Variants in MRPL3 observed in about 807,000 individuals in gnomAD.
The protein encoded by MRPL3 is large ribosomal subunit protein uL3m.
A neutral mutation model predicts 44.3 loss-of-function variants in MRPL3; 43 were observed. The observed-to-expected ratio is 0.97, with a 90% CI of 0.76 to 1.25. The LOEUF (loss-of-function observed/expected upper bound fraction) is 1.25. MRPL3 is among the 50% of genes most tolerant of loss of function. The probability of loss-of-function intolerance (pLI) is 0.00; values close to 1 mark genes in which losing one functional copy is unlikely to be tolerated. For synonymous variants in MRPL3, 171 were observed against 152.3 expected (o/e 1.12, Z -0.91); for missense variants, 406 against 427.6 (o/e 0.95, Z 0.45).
intron 5 of MRPL3, among the ~76,000 whole-genome samples, chr3:131,488,325 T>C (rs1214685601): frequency 6.6e-6 from 1 of 152,182 alleles, no homozygotes; most frequent in South Asian, 2.1e-4. Flanking sequence ...TAGATACTTA[T>C]TAAATTTTAT....
At chr3:131,490,299 A>G (rs1934226720) in intron 4 of MRPL3, among the ~76,000 whole-genome samples, 1 of 152,152 alleles carries the variant, frequency 6.6e-6, no homozygotes, top group African/African-American at 2.4e-5. Flanking sequence ...TTAGATTCCA[A>G]TCATGTACAT....
intron 3 of MRPL3, among the ~76,000 whole-genome samples, chr3:131,499,266 A>C (rs1934440178): frequency 5.3e-5 from 8 of 152,168 alleles, no homozygotes; most frequent in Admixed American, 5.2e-4. Context: ...ATGTGAATAT[A>C]ACATGATTTG....
At chr3:131,478,296 G>T (rs1269510490) in intron 6 of MRPL3, among the ~76,000 whole-genome samples, 4 of 152,090 alleles carry the variant, frequency 2.6e-5, no homozygotes, top group Non-Finnish European at 5.9e-5. Context: ...CCAACTGGAA[G>T]TACCTCAGCC....
At chr3:131,469,623 T>G (rs914402271) in intron 8 of MRPL3, 73 bp downstream of exon 8, 25 of 1,051,522 alleles carry the variant, frequency 2.4e-5, no homozygotes, top group Non-Finnish European at 3.5e-5. Context: ...AGACACAGAT[T>G]AAATACATAT....
At chr3:131,469,320 AACATACACAC>A (rs1237319952) in intron 8 of MRPL3, among the ~76,000 whole-genome samples, 2 of 151,876 alleles carry the variant, frequency 1.3e-5, no homozygotes, top group Non-Finnish European at 2.9e-5. Flanking sequence ...ATGGCACAGC[AACATACACAC>A]GTAGAGAGCT....
At chr3:131,497,644 T>TA (rs148938514) in intron 4 of MRPL3, among the ~76,000 whole-genome samples, 3 of 151,278 alleles carry the variant, frequency 2.0e-5, no homozygotes, top group Non-Finnish European at 3.0e-5. Context: ...GTACTCTACT[T>TA]AAAAAAAAAT....
chr3:131,492,184 G>C (rs1559829704), intron 4 of MRPL3, among the ~76,000 whole-genome samples: 5 of 151,868 alleles, frequency 3.3e-5, no homozygotes. Context: ...ATCATTTTTT[G>C]TCACTTATCC....
intron 9 of MRPL3, among the ~76,000 whole-genome samples, chr3:131,464,839 G>A (rs781638804): frequency 2.9e-4 from 44 of 152,330 alleles, no homozygotes; most frequent in Admixed American, 1.1e-3. Flanking sequence ...GGAAACAAAA[G>A]CTCCCAAGAA....
intron 6 of MRPL3, among the ~76,000 whole-genome samples, chr3:131,471,986 G>C (rs1933753683): frequency 6.6e-6 from 1 of 152,146 alleles, no homozygotes; most frequent in African/African-American, 2.4e-5. Flanking sequence ...TCCCCAATTA[G>C]AACCTTGACA....
intron 6 of MRPL3, among the ~76,000 whole-genome samples, chr3:131,486,860 G>A (rs1041422211): frequency 2.6e-5 from 4 of 152,204 alleles, no homozygotes; most frequent in East Asian, 3.9e-4. Flanking sequence ...TGGTGGGAGT[G>A]TAAATTAGTT....
chr3:131,490,157 G>A, intron 4 of MRPL3, 77 bp from the exon 5 acceptor site: 2 of 954,120 alleles, frequency 2.1e-6, no homozygotes, highest in East Asian at 2.5e-5. Flanking sequence ...TCTAAACCAA[G>A]TTATTAACAC....
chr3:131,489,598 T>C (rs1420162647), intron 5 of MRPL3, among the ~76,000 whole-genome samples: 1 of 152,126 alleles, frequency 6.6e-6, no homozygotes, highest in Non-Finnish European at 1.5e-5. Flanking sequence ...ATTGAGGTGC[T>C]ATGGTCGGTC....
rs1362454447 is a variant in MRPL3 at position 131,501,654 on chromosome 3, G to A, written c.154C>T (p.His52Tyr). ...HGKSGTWWDEHLSEENVPFIK... is the reference protein window; with the variant it reads ...HGKSGTWWDEYLSEENVPFIK... ...AATGGGACATTTTCTTCAGAAAGATGCTCATCCCACCATGTACCACTCTTT... is the reference window on the plus strand; with the variant it reads ...AATGGGACATTTTCTTCAGAAAGATACTCATCCCACCATGTACCACTCTTT... Residue 52 changes from histidine to tyrosine, a missense_variant, in exon 2 of 10, where the codon CAT (histidine) becomes TAT (tyrosine). Transcript: ENST00000264995. The A allele has an allele frequency of 6.2e-7, 1 of 1,613,682 alleles. No individual in the cohort carries two copies. Among genetic ancestry groups the A allele is most frequent in the Non-Finnish European group, 8.5e-7 (1 of 1,179,924 alleles).
At position 131,502,908 on chromosome 3, in the gene MRPL3, C is replaced by G. The variant is rs1934531794; in HGVS notation, c.-87G>C. ...AGTCCCCACGCCACCGCCACGTGGA[C>G]GCAGTAGCCGTGGGGAAGTTTTCGC... On this transcript the variant is annotated 5_prime_UTR_variant, in exon 1 of 10. Coordinates refer to ENST00000264995, the MANE Select transcript of MRPL3 (RefSeq NM_007208.4). 8.0e-7 allele frequency: 1 copy of G among 1,255,326 alleles called. No homozygotes were observed. Among genetic ancestry groups the G allele is most frequent in the Non-Finnish European group, 1.1e-6 (1 of 875,804 alleles). The allele number at this position is 1,255,326 out of a possible 1,614,324, so 77.8% of individuals were successfully genotyped here. A position where few individuals can be genotyped will look rare whatever the true frequency, so the allele number is the denominator to read the frequency against.
chr3:131,486,336 C>T (rs35806261), intron 6 of MRPL3, among the ~76,000 whole-genome samples: 1 of 81,688 alleles, frequency 1.2e-5, no homozygotes, highest in Non-Finnish European at 2.2e-5. Context: ...CAAATGGGAT[C>T]TCATTAAACC....
chr3:131,496,299 A>G lies in MRPL3; in HGVS notation c.468+1880T>C, dbSNP rs1162316942. ...AAAGTTCCCATAAATATCTCATTGT[A>G]CTCTATAATTACTATGGAGTTATAT... is the stretch of plus-strand genomic sequence containing the variant. On this transcript the variant is annotated intron_variant, in intron 4 of 9. Coordinates refer to ENST00000264995, the MANE Select transcript of MRPL3 (RefSeq NM_007208.4). Among the ~76,000 whole-genome samples the G allele has an allele frequency of 4.6e-5, 7 of 152,324 alleles. No individual in the cohort carries two copies. The East Asian group carries it at 1.3e-3, about 29-fold the overall frequency.
At chr3:131,487,627 CTCTTT>C (rs1934158819) in intron 6 of MRPL3, 48 bp downstream of exon 6, 9 of 1,340,208 alleles carry the variant, frequency 6.7e-6, no homozygotes, top group Non-Finnish European at 8.4e-6. Flanking sequence ...TTATTCTATT[CTCTTT>C]TAATAGATGA....
chr3:131,463,954 G>T (rs1002798891), intron 9 of MRPL3, among the ~76,000 whole-genome samples: 1 of 152,072 alleles, frequency 6.6e-6, no homozygotes, highest in Admixed American at 6.6e-5. Context: ...GTACACAGCT[G>T]CTAGGAACAG....
intron 4 of MRPL3, among the ~76,000 whole-genome samples, chr3:131,497,196 CAGTTA>C (rs1934387681): frequency 6.6e-6 from 1 of 152,228 alleles, no homozygotes; most frequent in South Asian, 2.1e-4. Flanking sequence ...TATCAAGACA[CAGTTA>C]AGTAAGGCTC....
Sources: gnomAD v4.1 joint callset for allele counts (sites outside exome capture counted in the v4.1 genomes callset) on GRCh38, gnomAD v4.1.1 for gene constraint, MANE v1.5 for transcripts, NCBI Gene and HGNC (gene_info 2026-07-23, HGNC 2026-07-21) for gene names.